ESRRG: variants seen among roughly 807,000 people sequenced by gnomAD.
ESRRG encodes the protein estrogen related receptor gamma.
Under a neutral mutation model 44.0 loss-of-function variants are expected in ESRRG, and 13 were observed. The ratio of observed to expected loss-of-function variants is 0.30; its 90% CI spans 0.19 to 0.47. The LOEUF is 0.47. ESRRG is among the 20% of genes least tolerant of loss of function. ESRRG has a pLI of 1.00. For synonymous variants in ESRRG, 215 were observed against 214.6 expected (o/e 1.00, Z -0.02); for missense variants, 395 against 580.6 (o/e 0.68, Z 3.29).
intron 3 of ESRRG, among the ~76,000 whole-genome samples, chr1:216,646,332 G>A (rs2150985431): frequency 6.6e-6 from 1 of 152,198 alleles, no homozygotes; most frequent in South Asian, 2.1e-4. Flanking sequence ...CATGACCTTG[G>A]GTTGGTCTAG....
rs559213604 is a variant in ESRRG at position 216,901,719 on chromosome 1, G to A, written c.-14+37863C>T. Among the ~76,000 whole-genome samples, 10 of 151,844 alleles carry A rather than the reference G, an allele frequency of 6.6e-5. No homozygotes were observed. The East Asian group carries it at 1.6e-3, about 24-fold the overall frequency. The stretch of plus-strand genomic sequence containing the variant: ...CTGCATTCTCTTTGGCACTACAGCT[G>A]TATTCTTAAAAAGTAATTAGTGGCA... On this transcript the variant is annotated intron_variant, in intron 2 of 7. Coordinates refer to the ESRRG transcript ENST00000359162.
chr1:216,675,269 A>G (rs567742887), intron 2 of ESRRG, among the ~76,000 whole-genome samples: 85 of 152,138 alleles, frequency 5.6e-4, no homozygotes, highest in Non-Finnish European at 9.7e-4. Context: ...CTGAGGCAAG[A>G]GAATCACTTG....
At chr1:216,829,641 G>A (rs571229900) in intron 2 of ESRRG, among the ~76,000 whole-genome samples, 10 of 148,920 alleles carry the variant, frequency 6.7e-5, no homozygotes, top group South Asian at 4.5e-4. Flanking sequence ...TCCAACCTCC[G>A]CCTCCTGGGT....
At chr1:216,781,588 A>G (rs2093938028) in intron 2 of ESRRG, among the ~76,000 whole-genome samples, 1 of 152,032 alleles carries the variant, frequency 6.6e-6, no homozygotes, top group Admixed American at 6.6e-5. Flanking sequence ...CTTATATCTT[A>G]GTGGACTAAT....
chr1:216,740,610 C>A (rs1487436635), intron 2 of ESRRG, among the ~76,000 whole-genome samples: 2 of 149,326 alleles, frequency 1.3e-5, no homozygotes, highest in African/African-American at 2.5e-5. Context: ...CTAAGCCCTG[C>A]AAAGGAACGT....
intron 1 of ESRRG, among the ~76,000 whole-genome samples, chr1:216,981,861 C>T (rs1369254133): frequency 6.6e-6 from 1 of 152,116 alleles, no homozygotes; most frequent in Non-Finnish European, 1.5e-5. Context: ...ACAACAAACC[C>T]CTGGCACCCT....
chr1:216,545,990 T>C (rs2054378975), intron 5 of ESRRG, among the ~76,000 whole-genome samples: 1 of 152,104 alleles, frequency 6.6e-6, no homozygotes, highest in Non-Finnish European at 1.5e-5. Flanking sequence ...CCTACTTATG[T>C]ATTAATTTAT....
chr1:217,044,813 T>C (rs1021308185), intron 1 of ESRRG, among the ~76,000 whole-genome samples: 10 of 152,306 alleles, frequency 6.6e-5, no homozygotes, highest in African/African-American at 9.6e-5. Context: ...TTACTTAAGA[T>C]GTTAGAAAAT....
intron 1 of ESRRG, among the ~76,000 whole-genome samples, chr1:216,689,023 C>T (rs2078563131): frequency 6.6e-6 from 1 of 152,104 alleles, no homozygotes; most frequent in African/African-American, 2.4e-5. Flanking sequence ...ATTAGCACAT[C>T]CTTTTGATTC....
At chr1:216,721,158 A>T (rs1441280528) in intron 1 of ESRRG, among the ~76,000 whole-genome samples, 3 of 152,236 alleles carry the variant, frequency 2.0e-5, no homozygotes, top group African/African-American at 7.2e-5. Context: ...TCCTAAAATA[A>T]AAAAATACAT....
intron 1 of ESRRG, among the ~76,000 whole-genome samples, chr1:217,056,096 T>A (rs1199743115): frequency 1.3e-5 from 2 of 152,148 alleles, no homozygotes; most frequent in African/African-American, 4.8e-5. Context: ...AAATCCTTTT[T>A]TGAGATCCTC....
intron 2 of ESRRG, among the ~76,000 whole-genome samples, chr1:216,915,257 T>TAAG (rs2061004047): frequency 6.6e-6 from 1 of 152,074 alleles, no homozygotes; most frequent in Non-Finnish European, 1.5e-5. Context: ...ACAAAGAAGA[T>TAAG]ACATAAAGCA....
chr1:216,645,434 A>G (rs1181078115), intron 3 of ESRRG, among the ~76,000 whole-genome samples: 2 of 152,158 alleles, frequency 1.3e-5, no homozygotes, highest in African/African-American at 4.8e-5. Context: ...TTAATAAAAT[A>G]TATATAATTT....
chr1:216,738,276 G>A (rs1341174611), intron 2 of ESRRG, among the ~76,000 whole-genome samples: 1 of 152,044 alleles, frequency 6.6e-6, no homozygotes, highest in Non-Finnish European at 1.5e-5. Context: ...GACCATCTGT[G>A]GACTCCAGCT....
chr1:216,815,935 C>T (rs564327163), intron 2 of ESRRG, among the ~76,000 whole-genome samples: 11 of 152,306 alleles, frequency 7.2e-5, no homozygotes, highest in South Asian at 4.1e-4. Context: ...AACACACACA[C>T]ACACAGGAAG....
intron 1 of ESRRG, among the ~76,000 whole-genome samples, chr1:217,116,370 G>A (rs529744634): frequency 6.6e-6 from 1 of 152,286 alleles, no homozygotes; most frequent in South Asian, 2.1e-4. Flanking sequence ...GTTTCCTGAT[G>A]TGTTTTAAGA....
chr1:216,576,183 C>T (rs1026768923), intron 3 of ESRRG, among the ~76,000 whole-genome samples: 2 of 151,976 alleles, frequency 1.3e-5, no homozygotes, highest in South Asian at 2.1e-4. Context: ...CTAAACTCCC[C>T]CAGCCAATGA....
chr1:216,582,371 T>C (rs143908527), intron 3 of ESRRG, among the ~76,000 whole-genome samples: 1 of 152,282 alleles, frequency 6.6e-6, no homozygotes, highest in Non-Finnish European at 1.5e-5. Flanking sequence ...ATCCATTGTG[T>C]TTACTAAATG....
chr1:216,613,588 T>A (rs908872203), intron 3 of ESRRG, among the ~76,000 whole-genome samples: 1 of 152,202 alleles, frequency 6.6e-6, no homozygotes, highest in African/African-American at 2.4e-5. Context: ...CATTGTTGTG[T>A]TCAACCATTA....
Sources: gnomAD v4.1 joint callset for allele counts (sites outside exome capture counted in the v4.1 genomes callset) on GRCh38, gnomAD v4.1.1 for gene constraint, MANE v1.5 for transcripts, NCBI Gene and HGNC (gene_info 2026-07-23, HGNC 2026-07-21) for gene names.